Variants in PDZRN3 observed in about 807,000 individuals in gnomAD.
The protein encoded by PDZRN3 is E3 ubiquitin-protein ligase PDZRN3.
PDZRN3 carries 38 observed loss-of-function variants against 85.7 expected under a neutral mutation model. The ratio of observed to expected loss-of-function variants is 0.44; its 90% CI spans 0.34 to 0.58. The LOEUF (loss-of-function observed/expected upper bound fraction) is 0.58, where lower values mean the gene tolerates loss of function less well. PDZRN3 is among the 20% of genes least tolerant of loss of function. The pLI is 0.01. For synonymous variants in PDZRN3, 759 were observed against 638.0 expected (o/e 1.19, Z -2.86); for missense variants, 1,629 against 1,506.4 (o/e 1.08, Z -1.35).
intron 5 of PDZRN3, among the ~76,000 whole-genome samples, chr3:73,395,784 G>A (rs1701622778): frequency 6.6e-6 from 1 of 152,146 alleles, no homozygotes; most frequent in Non-Finnish European, 1.5e-5. Context: ...GGGTAACAAG[G>A]CATTTTATTC....
rs765646730 is a variant in PDZRN3, at chr3:73,391,058, C to T, written c.1313G>A (p.Arg438Gln). The change falls in exon 6 of 10, where the codon CGG (arginine) becomes CAG (glutamine). Residue 438 changes from arginine to glutamine, a missense_variant. Arg to Gln is a conservative substitution (Grantham distance 43). Transcript: ENST00000263666. ...QDKLGLTVCYRTDDEDDIGIY... is the reference protein window; with the variant it reads ...QDKLGLTVCYQTDDEDDIGIY... ...CCCAATGTCGTCTTCATCGTCCGTC[C>T]GGTAGCACACAGTGAGGCCCAGCTT... 8 of 1,613,846 alleles carry T rather than the reference C, an allele frequency of 5.0e-6. No individual in the cohort carries two copies. The highest frequency in any genetic ancestry group is 1.7e-5 in the Admixed American group (1 of 60,030).
At chr3:73,388,500 G>A (rs1198944686) in intron 7 of PDZRN3, among the ~76,000 whole-genome samples, 1 of 152,194 alleles carries the variant, frequency 6.6e-6, no homozygotes, top group East Asian at 1.9e-4. Flanking sequence ...ATTATACATG[G>A]TGTTTTGTGT....
chr3:73,414,809 T>C (rs1216972281), intron 3 of PDZRN3, among the ~76,000 whole-genome samples: 2 of 152,226 alleles, frequency 1.3e-5, no homozygotes, highest in Non-Finnish European at 2.9e-5. Context: ...ATGCCTCCAA[T>C]TTCCTAGACA....
chr3:73,569,393 A>G, intron 3 of PDZRN3: 3 of 1,195,390 alleles, frequency 2.5e-6, no homozygotes, highest in Non-Finnish European at 3.2e-6. Context: ...TGTGTGCCGC[A>G]TACCTGTACA....
chr3:73,383,088 A>AAAC lies in PDZRN3; in HGVS notation c.*274_*276dup, dbSNP rs1201892553. The AAAC allele has an allele frequency of 1.2e-5, 4 of 322,896 alleles. No individual in the cohort carries two copies. Among genetic ancestry groups the AAAC allele is most frequent in the African/African-American group, 8.5e-5 (4 of 47,028 alleles). 20.0% of individuals were successfully genotyped at this position (322,896 alleles called of 1,614,324 possible). On this transcript the variant is annotated 3_prime_UTR_variant, in exon 10 of 10. Transcript: ENST00000263666. ...TTAATAAAAGATCTTTCTGAAATTT[A>AAAC]AACACTTTATGTAAAAGGGTACAGG...
chr3:73,466,939 T>C (rs1703229966), intron 3 of PDZRN3, among the ~76,000 whole-genome samples: 1 of 152,198 alleles, frequency 6.6e-6, no homozygotes, highest in African/African-American at 2.4e-5. Context: ...CATTTCATTT[T>C]TCCTCTGTAG....
intron 1 of PDZRN3, among the ~76,000 whole-genome samples, chr3:73,618,327 C>A (rs1314903253): frequency 6.6e-6 from 1 of 152,134 alleles, no homozygotes; most frequent in East Asian, 1.9e-4. Context: ...GCTTTGAAAG[C>A]CTGTGTGAGA....
intron 3 of PDZRN3, among the ~76,000 whole-genome samples, chr3:73,469,561 T>C (rs1703292231): frequency 1.3e-5 from 2 of 152,206 alleles, no homozygotes; most frequent in Non-Finnish European, 2.9e-5. Context: ...TCACCGTTCA[T>C]GTAGGGGTCA....
chr3:73,592,866 C>T (rs1702378587), intron 3 of PDZRN3, among the ~76,000 whole-genome samples: 1 of 152,218 alleles, frequency 6.6e-6, no homozygotes. Flanking sequence ...TGTCAACACT[C>T]TTTCCGCCTG....
intron 2 of PDZRN3, among the ~76,000 whole-genome samples, chr3:73,606,609 G>A (rs1050284115): frequency 1.9e-4 from 29 of 152,126 alleles, no homozygotes; most frequent in Non-Finnish European, 3.1e-4. Flanking sequence ...TCCACAGAGC[G>A]AATGCAAGAA....
chr3:73,523,453 C>CTATATA (rs141660921), intron 3 of PDZRN3, among the ~76,000 whole-genome samples: 2 of 150,958 alleles, frequency 1.3e-5, no homozygotes, highest in African/African-American at 4.9e-5. Context: ...ATTGCAATAG[C>CTATATA]TATATATATA....
chr3:73,523,140 G>A (rs867262771), intron 3 of PDZRN3, among the ~76,000 whole-genome samples: 19 of 152,090 alleles, frequency 1.2e-4, no homozygotes, highest in South Asian at 2.1e-4. Context: ...CTCCTGCCTC[G>A]GCCTCCTGAG....
chr3:73,501,057 C>T (rs745358558), intron 3 of PDZRN3, among the ~76,000 whole-genome samples: 1 of 152,138 alleles, frequency 6.6e-6, no homozygotes, highest in East Asian at 1.9e-4. Flanking sequence ...TACCAATGTC[C>T]GTGTAAGCAA....
chr3:73,610,272 A>C (rs1394379017), intron 1 of PDZRN3, among the ~76,000 whole-genome samples: 1 of 152,220 alleles, frequency 6.6e-6, no homozygotes, highest in Non-Finnish European at 1.5e-5. Flanking sequence ...TTATATATAA[A>C]AAAGAAGCTA....
At chr3:73,456,359 C>A (rs1284830024) in intron 3 of PDZRN3, among the ~76,000 whole-genome samples, 1 of 152,190 alleles carries the variant, frequency 6.6e-6, no homozygotes, top group Non-Finnish European at 1.5e-5. Flanking sequence ...TTTAGCCTTG[C>A]TCATCCTAAA....
At chr3:73,418,663 C>A (rs909026924) in intron 3 of PDZRN3, among the ~76,000 whole-genome samples, 2 of 152,258 alleles carry the variant, frequency 1.3e-5, no homozygotes, top group Admixed American at 6.5e-5. Flanking sequence ...AGGAACTGGG[C>A]CCCCGTCCTT....
chr3:73,624,628 G>A lies in PDZRN3; in HGVS notation c.198C>T (p.Asn66=), dbSNP rs1702939708. The change falls in exon 1 of 10, where the codon AAC becomes AAT. Residue 66 remains asparagine, a synonymous_variant. Coordinates refer to ENST00000263666, the MANE Select transcript of PDZRN3 (RefSeq NM_015009.3). ...TAAGGCGCTTGAGCGGCAGGACGTG[G>A]TTGAGCTCTTTGGCCGACAGGCGAC... ...CRGRLSAKEL[N]HVLPLKRLIL... is the part of the protein sequence containing the mutation. 6.4e-7 allele frequency: 1 copy of A among 1,556,876 alleles called. No homozygotes were observed. The highest frequency in any genetic ancestry group is 2.6e-5 in the East Asian group (1 of 38,598).
chr3:73,449,611 A>T (rs978033961), intron 3 of PDZRN3, among the ~76,000 whole-genome samples: 4 of 152,234 alleles, frequency 2.6e-5, no homozygotes, highest in African/African-American at 9.6e-5. Context: ...TCACTGTTAA[A>T]TAAGCGAACA....
intron 8 of PDZRN3, among the ~76,000 whole-genome samples, chr3:73,386,640 C>G (rs1211836596): frequency 1.3e-5 from 2 of 152,254 alleles, no homozygotes; most frequent in Non-Finnish European, 2.9e-5. Flanking sequence ...CACAGCCATG[C>G]TCATTCGCTG....
Sources: allele counts gnomAD v4.1 joint callset (sites outside exome capture counted in the v4.1 genomes callset), GRCh38; gene constraint gnomAD v4.1.1; transcripts MANE v1.5; gene names NCBI Gene and HGNC (gene_info 2026-07-23, HGNC 2026-07-21).